PLAAT3: variants seen among roughly 807,000 people sequenced by gnomAD.
PLAAT3 encodes the protein phospholipase A and acyltransferase 3, also known as Ca-independent phospholipase A1/2.
A neutral mutation model predicts 16.7 loss-of-function variants in PLAAT3; 21 were observed. The observed-to-expected ratio is 1.26, with a 90% CI of 0.89 to 1.81. The LOEUF (loss-of-function observed/expected upper bound fraction) is 1.81. Among genes scored for constraint, PLAAT3 ranks in the 40% most tolerant of loss-of-function variants. The pLI is 0.00. For missense variants in PLAAT3, 219 were observed against 213.7 expected (o/e 1.02, Z -0.16); for synonymous variants, 76 against 81.7 (o/e 0.93, Z 0.38).
Position 63,574,580 on chromosome 11 carries a change from T to G in PLAAT3, c.*365A>C. 5.2e-6 allele frequency: 1 copy of G among 193,062 alleles called. No individual in the cohort carries two copies. Among genetic ancestry groups the G allele is most frequent in the Non-Finnish European group, 1.1e-5 (1 of 94,154 alleles). 12.0% of individuals were successfully genotyped at this position (193,062 alleles called of 1,614,324 possible). A position where few individuals can be genotyped will look rare whatever the true frequency, so the allele number is the denominator to read the frequency against. ...CTGTCTGCTGCTTTCTGTTCTTGTG[T>G]ATTATGTCTTTCTGTCTCCCTTCCG... On this transcript the variant is annotated 3_prime_UTR_variant, in exon 5 of 5. Coordinates refer to ENST00000415826, the MANE Select transcript of PLAAT3 (RefSeq NM_001128203.2).
At chr11:63,611,700 C>A (rs960895461) in intron 2 of PLAAT3, among the ~76,000 whole-genome samples, 2 of 152,122 alleles carry the variant, frequency 1.3e-5, no homozygotes, top group African/African-American at 4.8e-5. Context: ...CCAAAAGAAA[C>A]TAAAAGAATG....
intron 3 of PLAAT3, among the ~76,000 whole-genome samples, chr11:63,595,216 A>C (rs1243804963): frequency 1.3e-5 from 2 of 150,042 alleles, no homozygotes; most frequent in Admixed American, 1.3e-4. Context: ...GCTTAAAAGC[A>C]GGAGGTGGAG....
intron 2 of PLAAT3, among the ~76,000 whole-genome samples, chr11:63,603,689 TAAGTA>T (rs1023934684): frequency 2.1e-5 from 3 of 142,078 alleles, no homozygotes; most frequent in African/African-American, 7.9e-5. Flanking sequence ...AAGGGCTAGT[TAAGTA>T]AATTATCCTA....
In PLAAT3 at chr11:63,574,715, A is replaced by C. The variant is rs138249071; in HGVS notation, c.*230T>G. 3.5e-4 allele frequency: 187 copies of C among 532,370 alleles called. No individual in the cohort carries two copies. The highest frequency in any genetic ancestry group is 2.3e-3 in the African/African-American group (121 of 52,018). The allele number at this position is 532,370 out of a possible 1,614,324, so 33.0% of individuals were successfully genotyped here. A position where few individuals can be genotyped will look rare whatever the true frequency, so the allele number is the denominator to read the frequency against. ...AGCACGCAAAAAGAAAGTGAAAGAC[A>C]ATCCCTGACCAGGAAGACAGCCCGG... On this transcript the variant is annotated 3_prime_UTR_variant, in exon 5 of 5. Coordinates refer to ENST00000415826, the MANE Select transcript of PLAAT3 (RefSeq NM_001128203.2).
chr11:63,615,070 A>ATATGTGTATATATATGTGTATATATGTG (rs1565259595), upstream of PLAAT3, among the ~76,000 whole-genome samples: 1 of 49,600 alleles, frequency 2.0e-5, no homozygotes, highest in African/African-American at 4.9e-5. Flanking sequence ...ATATGTGTGT[A>ATATGTGTATATATATGTGTATATATGTG]TATATGTGTG....
intron 3 of PLAAT3, among the ~76,000 whole-genome samples, chr11:63,590,784 G>A (rs1195939970): frequency 6.6e-6 from 1 of 152,152 alleles, no homozygotes; most frequent in Non-Finnish European, 1.5e-5. Context: ...AACATGGCTG[G>A]GTTTTCCAGA....
In PLAAT3 at chr11:63,581,777, G is replaced by A. The variant is rs185956449; in HGVS notation, c.388-6731C>T. 3.1e-3 allele frequency among the ~76,000 whole-genome samples: 470 copies of A among 152,228 alleles called. 3 individuals are homozygous for A. The highest frequency in any genetic ancestry group is 0.01 in the Middle Eastern group (3 of 294). ...CCAATATGTGATGGCACCCCTGGAGGCCCAGCTGTAAAATTTCTCTCTTTG... is the reference window on the plus strand; with the variant it reads ...CCAATATGTGATGGCACCCCTGGAGACCCAGCTGTAAAATTTCTCTCTTTG... On this transcript the variant is annotated intron_variant, in intron 4 of 4. Coordinates refer to ENST00000415826, the MANE Select transcript of PLAAT3 (RefSeq NM_001128203.2).
intron 4 of PLAAT3, among the ~76,000 whole-genome samples, chr11:63,581,991 T>C (rs537773610): frequency 6.6e-6 from 1 of 152,310 alleles, no homozygotes; most frequent in South Asian, 2.1e-4. Context: ...CCAGTGAAAC[T>C]CATTTTAGAC....
chr11:63,587,710 A>G (rs1429243368), intron 4 of PLAAT3, among the ~76,000 whole-genome samples: 2 of 152,148 alleles, frequency 1.3e-5, no homozygotes, highest in East Asian at 3.9e-4. Context: ...GCATGTCACC[A>G]TGCCTGCCTA....
chr11:63,605,238 T>C (rs892607282), intron 2 of PLAAT3, among the ~76,000 whole-genome samples: 1 of 151,460 alleles, frequency 6.6e-6, no homozygotes, highest in Non-Finnish European at 1.5e-5. Context: ...CTATTAAAAA[T>C]ACAAAAAAAA....
upstream of PLAAT3, among the ~76,000 whole-genome samples, chr11:63,615,132 G>GTGTGTATATATGTATATGTGTA (rs1322981424): frequency 9.9e-4 from 9 of 9,066 alleles, 2 homozygotes; most frequent in African/African-American, 1.3e-3. Context: ...GTGTATATAT[G>GTGTGTATATATGTATATGTGTA]TATATGTGTA....
At chr11:63,611,039 C>T (rs1013211638) in intron 2 of PLAAT3, among the ~76,000 whole-genome samples, 4 of 152,114 alleles carry the variant, frequency 2.6e-5, no homozygotes, top group Admixed American at 6.5e-5. Context: ...GGCAGGATGT[C>T]CTTCCCCACT....
chr11:63,591,378 C>T (rs1301440328), intron 3 of PLAAT3, among the ~76,000 whole-genome samples: 1 of 151,934 alleles, frequency 6.6e-6, no homozygotes, highest in Non-Finnish European at 1.5e-5. Flanking sequence ...TGAGATCTTG[C>T]CTTAGGAAAA....
chr11:63,584,946 C>T (rs1412007554), intron 4 of PLAAT3, among the ~76,000 whole-genome samples: 7 of 151,972 alleles, frequency 4.6e-5, no homozygotes, highest in Non-Finnish European at 1.0e-4. Flanking sequence ...ACTGACAGTG[C>T]TTACAAAGAA....
At chr11:63,596,644 A>G (rs1938295419) in intron 3 of PLAAT3, among the ~76,000 whole-genome samples, 1 of 151,626 alleles carries the variant, frequency 6.6e-6, no homozygotes, top group African/African-American at 2.4e-5. Context: ...ATAAGGAGTG[A>G]TATGGTTTGG....
intron 4 of PLAAT3, among the ~76,000 whole-genome samples, chr11:63,580,795 C>A (rs1382115952): frequency 1.3e-5 from 2 of 152,222 alleles, no homozygotes; most frequent in East Asian, 3.8e-4. Flanking sequence ...CCAGCCATTG[C>A]TCTAGCTTTG....
intron 2 of PLAAT3, chr11:63,608,483 A>C (rs544413616): frequency 6.6e-6 from 1 of 152,512 alleles, no homozygotes; most frequent in African/African-American, 2.4e-5. Flanking sequence ...CTCCAGATGC[A>C]CCCATGCAAC....
chr11:63,614,159 G>T, intron 1 of PLAAT3, 91 bp from the exon 2 acceptor site: 1 of 1,114,538 alleles, frequency 9.0e-7, no homozygotes, highest in Non-Finnish European at 1.3e-6. Context: ...GGCAGGGCGT[G>T]AGAGGCGCGC....
In PLAAT3 at chr11:63,606,425, A is replaced by AACACACACACACACACACACAC. The variant is rs34044017; in HGVS notation, c.15+7553_15+7574dup. On this transcript the variant is annotated intron_variant, in intron 2 of 4. Coordinates refer to ENST00000415826, the MANE Select transcript of PLAAT3 (RefSeq NM_001128203.2). Reference sequence around the variant, plus strand: ...TGGCAAAACCCCGTCTCTACTATAAAACACACACACACACACACACACACA... The same window carrying AACACACACACACACACACACAC: ...TGGCAAAACCCCGTCTCTACTATAAAACACACACACACACACACACACACACACACACACACACACACACACA... Among the ~76,000 whole-genome samples the AACACACACACACACACACACAC allele has an allele frequency of 1.7e-3, 245 of 140,190 alleles. 3 individuals are homozygous for AACACACACACACACACACACAC. Among genetic ancestry groups the AACACACACACACACACACACAC allele is most frequent in the African/African-American group, 5.6e-3 (203 of 36,224 alleles). 92.0% of individuals were successfully genotyped at this position (140,190 alleles called of 152,430 possible).
Sources: allele counts gnomAD v4.1 joint callset (sites outside exome capture counted in the v4.1 genomes callset), GRCh38; gene constraint gnomAD v4.1.1; transcripts MANE v1.5; gene names NCBI Gene and HGNC (gene_info 2026-07-23, HGNC 2026-07-21).